Variants in CABIN1 observed in about 807,000 individuals in gnomAD.
The protein encoded by CABIN1 is calcineurin binding protein 1.
In CABIN1, 133 loss-of-function variants were observed where a neutral mutation model predicts 227.7. The observed-to-expected ratio is 0.58, with a 90% CI of 0.51 to 0.67. The LOEUF is 0.67. Among genes scored for constraint, CABIN1 ranks in the 30% least tolerant of loss-of-function variants. CABIN1 has a pLI of 0.00. For synonymous variants in CABIN1, 1,086 were observed against 1,155.1 expected, an observed-to-expected ratio of 0.94 and a Z score of 1.21; for missense variants, 2,408 against 2,852.5, an observed-to-expected ratio of 0.84 and a Z score of 3.55.
At chr22:24,098,422 G>C in intron 26 of CABIN1, 2 of 825,924 alleles carry the variant, frequency 2.4e-6, no homozygotes, top group South Asian at 1.6e-5. Context: ...GGAGCCAGGG[G>C]AGGGGGCAGG....
chr22:24,148,947 C>G (rs2045323572), intron 29 of CABIN1, among the ~76,000 whole-genome samples: 1 of 152,336 alleles, frequency 6.6e-6, no homozygotes, highest in East Asian at 1.9e-4. Context: ...GAAATTTGCC[C>G]TCTTTCCCTT....
chr22:24,172,007 C>T lies in CABIN1; in HGVS notation c.6040+12C>T, dbSNP rs1427405686. The T allele has an allele frequency of 6.2e-7, 1 of 1,606,776 alleles. No individual in the cohort carries two copies. On this transcript the variant is annotated intron_variant, in intron 34 of 36. Transcript: ENST00000263119. Reference sequence around the variant, plus strand: ...CTCTCTGGGCCCAGGTGAGTCCCATCCCAGTCCAGAGCTGGGCCCAGGCCC... The same window carrying T: ...CTCTCTGGGCCCAGGTGAGTCCCATTCCAGTCCAGAGCTGGGCCCAGGCCC...
At chr22:24,090,369 A>G (rs1315472648) in intron 23 of CABIN1, among the ~76,000 whole-genome samples, 1 of 152,170 alleles carries the variant, frequency 6.6e-6, no homozygotes, top group Admixed American at 6.6e-5. Flanking sequence ...CCTTTTAGCC[A>G]TTGCCTTTTA....
chr22:24,097,088 C>G (rs780551125), intron 25 of CABIN1, among the ~76,000 whole-genome samples: 1 of 152,198 alleles, frequency 6.6e-6, no homozygotes, highest in African/African-American at 2.4e-5. Context: ...GGTGGGCAGC[C>G]GCTGTGCTCA....
chr22:24,125,477 C>T (rs1602226209), intron 28 of CABIN1, among the ~76,000 whole-genome samples: 9 of 152,186 alleles, frequency 5.9e-5, no homozygotes, highest in Admixed American at 5.9e-4. Context: ...TGAAGTGGGC[C>T]CTGCACCATT....
rs1282081088 is a variant in CABIN1 at position 24,143,968 on chromosome 22, G to A, written c.4746+9553G>A. ...AACTGGTTGGCTGCTCTGGGTGCCG[G>A]GAGAGAATGCTGCCAAAGGGATGCT... On this transcript the variant is annotated intron_variant, in intron 29 of 36. Transcript: ENST00000263119. Among the ~76,000 whole-genome samples, 3 of 152,188 alleles carry A rather than the reference G, an allele frequency of 2.0e-5. No homozygotes were observed. In the East Asian group the frequency reaches 5.8e-4, roughly 29 times the overall value.
intron 28 of CABIN1, among the ~76,000 whole-genome samples, chr22:24,122,623 G>A (rs919576608): frequency 6.6e-6 from 1 of 151,990 alleles, no homozygotes; most frequent in Non-Finnish European, 1.5e-5. Context: ...CAGGAGAATC[G>A]CTTGAACTGG....
At chr22:24,088,305 C>G (rs1448513719) in intron 23 of CABIN1, among the ~76,000 whole-genome samples, 1 of 152,150 alleles carries the variant, frequency 6.6e-6, no homozygotes, top group African/African-American at 2.4e-5. Context: ...TTTAACATTA[C>G]CGTCTTTAAA....
At chr22:24,142,648 C>T (rs1326852649) in intron 29 of CABIN1, among the ~76,000 whole-genome samples, 3 of 152,240 alleles carry the variant, frequency 2.0e-5, no homozygotes, top group Non-Finnish European at 4.4e-5. Context: ...GGTTCAGAGC[C>T]TGTTGCAGGC....
chr22:24,169,331 G>A (rs1053260974), intron 33 of CABIN1, among the ~76,000 whole-genome samples: 3 of 152,112 alleles, frequency 2.0e-5, no homozygotes, highest in East Asian at 1.9e-4. Flanking sequence ...CGGTAGCCTC[G>A]TCCCAGGTCC....
intron 32 of CABIN1, 93 bp from the exon 33 acceptor site, chr22:24,168,354 C>A: frequency 7.8e-7 from 1 of 1,281,922 alleles, no homozygotes; most frequent in Non-Finnish European, 1.1e-6. Flanking sequence ...ATGCCCCCTA[C>A]CTAGGCTGGT....
chr22:24,042,940 T>G lies in CABIN1; in HGVS notation c.382T>G (p.Tyr128Asp). ...MLDSTDVNLW[Y>D]KIGHVALRLI... ...GGACTCCACAGATGTCAACCTCTGG[T>G]ATAAGATTGGACATGTGGCCCTGAG... The change falls in exon 6 of 37, where the codon TAT becomes GAT. Residue 128 changes from tyrosine to aspartate, a missense_variant. Tyr to Asp is a radical substitution (Grantham distance 160). Coordinates refer to ENST00000263119, the MANE Select transcript of CABIN1 (RefSeq NM_012295.4). The G allele has an allele frequency of 6.2e-7, 1 of 1,608,882 alleles. No homozygotes were observed. The highest frequency in any genetic ancestry group is 8.5e-7 in the Non-Finnish European group (1 of 1,177,680).
Position 24,076,216 on chromosome 22 carries a change from A to G in CABIN1, c.2680A>G (p.Thr894Ala). Residue 894 changes from threonine to alanine, a missense_variant, in exon 19 of 37, where the codon ACA becomes GCA. By Grantham distance (58) the Thr-to-Ala change is moderately conservative (BLOSUM62 0). Coordinates refer to ENST00000263119, the MANE Select transcript of CABIN1 (RefSeq NM_012295.4). Reference sequence around the variant, plus strand: ...CCCATCCTCCCTCATGCTGCTGAACACAGCCCACGAGTATTTGGGCAGAAG... The same window carrying G: ...CCCATCCTCCCTCATGCTGCTGAACGCAGCCCACGAGTATTTGGGCAGAAG... ...MLPSSLMLLN[T>A]AHEYLGRRSW... The G allele has an allele frequency of 6.2e-7, 1 of 1,614,126 alleles. No individual in the cohort carries two copies. Among genetic ancestry groups the G allele is most frequent in the Non-Finnish European group, 8.5e-7 (1 of 1,180,012 alleles).
In CABIN1 at chr22:24,099,900, A is replaced by G. The variant is rs190984040; in HGVS notation, c.4117+1708A>G. On this transcript the variant is annotated intron_variant, in intron 26 of 36. Transcript: ENST00000263119. ...GCCCATTAGGGTTGAGTATGCCTCTAGAAGCAGGAAAGGAGGGAGGCAGGA... is the reference window on the plus strand; with the variant it reads ...GCCCATTAGGGTTGAGTATGCCTCTGGAAGCAGGAAAGGAGGGAGGCAGGA... Among the ~76,000 whole-genome samples, 225 of 152,314 alleles carry G rather than the reference A, an allele frequency of 1.5e-3. 1 individual carries two copies. Among genetic ancestry groups the G allele is most frequent in the African/African-American group, 5.3e-3 (220 of 41,566 alleles).
chr22:24,037,132 T>C (rs71318943), intron 3 of CABIN1, among the ~76,000 whole-genome samples: 2,880 of 151,910 alleles, frequency 0.019, 36 homozygotes, highest in South Asian at 0.036. Context: ...TGGTGGTGCA[T>C]GTCTGTAGTC....
intron 28 of CABIN1, among the ~76,000 whole-genome samples, chr22:24,128,787 C>T (rs980740962): frequency 2.0e-5 from 3 of 152,244 alleles, no homozygotes; most frequent in African/African-American, 7.2e-5. Flanking sequence ...TAGCCACCTT[C>T]CTGGCAGCCC....
At position 24,092,058 on chromosome 22, in the gene CABIN1, G is replaced by T. The variant is rs1017066797; in HGVS notation, c.3786+215G>T. ...TCCTTTCTGGGAGAGTGACCATTTT[G>T]TTCTTATCTCTCAGAAGAAAATTGT... On this transcript the variant is annotated intron_variant, in intron 24 of 36. Transcript: ENST00000263119. 3 of 628,786 alleles carry T rather than the reference G, an allele frequency of 4.8e-6. No homozygotes were observed. In the South Asian group the frequency reaches 6.0e-5, roughly 13 times the overall value. The allele number at this position is 628,786 out of a possible 1,614,324, so 39.0% of individuals were successfully genotyped here.
At position 24,059,316 on chromosome 22, in the gene CABIN1, T is replaced by C. The variant is rs1307159980; in HGVS notation, c.1352T>C (p.Ile451Thr). Residue 451 changes from isoleucine to threonine, a missense_variant, in exon 11 of 37, where the codon ATT becomes ACT. Coordinates refer to ENST00000263119, the MANE Select transcript of CABIN1 (RefSeq NM_012295.4). ...SEAKLESFPSIGPQRLSFDSA... is the reference protein window; with the variant it reads ...SEAKLESFPSTGPQRLSFDSA... ...GCCAAACTGGAAAGCTTCCCAAGCA[T>C]TGGGCCTCAAAGGCTGTCATTTGAC... 2.5e-6 allele frequency: 4 copies of C among 1,614,222 alleles called. No homozygotes were observed. The highest frequency in any genetic ancestry group is 1.1e-5 in the South Asian group (1 of 91,086).
intron 32 of CABIN1, among the ~76,000 whole-genome samples, chr22:24,168,224 G>A (rs561761743): frequency 3.5e-4 from 54 of 152,386 alleles, no homozygotes; most frequent in African/African-American, 1.3e-3. Flanking sequence ...GAGATGGATG[G>A]GCATCTGCCC....
Sources: allele counts gnomAD v4.1 joint callset (sites outside exome capture counted in the v4.1 genomes callset), GRCh38; gene constraint gnomAD v4.1.1; transcripts MANE v1.5; gene names NCBI Gene and HGNC (gene_info 2026-07-23, HGNC 2026-07-21).